Variants in KCNQ5 observed in about 807,000 individuals in gnomAD.
KCNQ5 encodes potassium voltage-gated channel subfamily Q member 5, also known as potassium voltage-gated channel subfamily KQT member 5.
In KCNQ5, 30 loss-of-function variants were observed where a neutral mutation model predicts 98.2. The ratio of observed to expected loss-of-function variants is 0.31; its 90% CI spans 0.23 to 0.41. The LOEUF (loss-of-function observed/expected upper bound fraction) is 0.41, where lower values mean the gene tolerates loss of function less well. KCNQ5 is among the 10% of genes least tolerant of loss of function. The pLI is 1.00. For missense variants in KCNQ5, 835 were observed against 1,182.5 expected (o/e 0.71, Z 4.31); for synonymous variants, 458 against 449.4 (o/e 1.02, Z -0.24).
intron 1 of KCNQ5, among the ~76,000 whole-genome samples, chr6:72,654,477 G>T (rs184079585): frequency 6.6e-6 from 1 of 152,164 alleles, no homozygotes; most frequent in Admixed American, 6.6e-5. Context: ...AAATTTGTGA[G>T]TCGGTTTTCT....
chr6:72,803,888 A>G (rs1331935154), intron 1 of KCNQ5, among the ~76,000 whole-genome samples: 1 of 152,140 alleles, frequency 6.6e-6, no homozygotes, highest in Admixed American at 6.6e-5. Context: ...CCTTTGAATA[A>G]CTTAATAGCT....
chr6:73,051,611 C>G (rs925212169), intron 3 of KCNQ5, among the ~76,000 whole-genome samples: 2 of 151,286 alleles, frequency 1.3e-5, no homozygotes, highest in African/African-American at 4.9e-5. Context: ...CTGAGCTGAG[C>G]CTTACCCCCT....
chr6:72,832,004 G>A (rs1004025970), intron 1 of KCNQ5, among the ~76,000 whole-genome samples: 1 of 152,088 alleles, frequency 6.6e-6, no homozygotes, highest in East Asian at 1.9e-4. Flanking sequence ...AGCATTTAAT[G>A]GAATCAGAAC....
intron 1 of KCNQ5, among the ~76,000 whole-genome samples, chr6:72,633,609 A>C (rs538977694): frequency 2.6e-5 from 4 of 152,224 alleles, no homozygotes; most frequent in Non-Finnish European, 5.9e-5. Context: ...AAAAAGAACA[A>C]AGCTGGAGGC....
intron 9 of KCNQ5, among the ~76,000 whole-genome samples, chr6:73,125,164 A>C (rs978324956): frequency 5.3e-5 from 8 of 150,870 alleles, no homozygotes; most frequent in Non-Finnish European, 1.0e-4. Flanking sequence ...CCCCATCCCC[A>C]TCTTTTAGGA....
At chr6:72,857,103 G>A (rs994347063) in intron 1 of KCNQ5, among the ~76,000 whole-genome samples, 2 of 152,204 alleles carry the variant, frequency 1.3e-5, no homozygotes, top group African/African-American at 2.4e-5. Context: ...CCATGCAGGG[G>A]CCAACAATCT....
At chr6:73,086,860 G>A (rs1774008982) in intron 5 of KCNQ5, among the ~76,000 whole-genome samples, 1 of 152,186 alleles carries the variant, frequency 6.6e-6, no homozygotes, top group African/African-American at 2.4e-5. Context: ...TTTTGGATAA[G>A]ACCTGAAGGA....
chr6:73,120,643 C>A (rs1030734315), intron 8 of KCNQ5, 66 bp downstream of exon 8: 56 of 976,818 alleles, frequency 5.7e-5, no homozygotes, highest in Non-Finnish European at 8.6e-5. Context: ...CAAACCATAC[C>A]CACACACACA....
chr6:72,958,549 G>A (rs1767193282), intron 1 of KCNQ5, among the ~76,000 whole-genome samples: 1 of 152,108 alleles, frequency 6.6e-6, no homozygotes, highest in Non-Finnish European at 1.5e-5. Flanking sequence ...AGCTATTAAA[G>A]TCAAACATTT....
intron 1 of KCNQ5, among the ~76,000 whole-genome samples, chr6:72,684,631 G>T (rs1256654146): frequency 6.6e-6 from 1 of 152,154 alleles, no homozygotes. Context: ...GCAAGAAAAA[G>T]TGTTGTTTTC....
chr6:72,688,455 T>G (rs140776273), intron 1 of KCNQ5, among the ~76,000 whole-genome samples: 19 of 152,326 alleles, frequency 1.2e-4, no homozygotes, highest in African/African-American at 3.8e-4. Flanking sequence ...CTGGTCCAAA[T>G]TACAGTATAC....
At chr6:72,626,017 TATCATCTACTCCTTC>T in intron 1 of KCNQ5, among the ~76,000 whole-genome samples, 1 of 152,318 alleles carries the variant, frequency 6.6e-6, no homozygotes, top group South Asian at 2.1e-4. Context: ...CCATGACTCT[TATCATCTACTCCTTC>T]ATCTATGTAT....
At chr6:73,022,456 A>G (rs1166992733) in intron 2 of KCNQ5, among the ~76,000 whole-genome samples, 1 of 152,166 alleles carries the variant, frequency 6.6e-6, no homozygotes, top group Admixed American at 6.5e-5. Flanking sequence ...AGCCTGAGCA[A>G]CACAGTAAGT....
chr6:73,040,031 A>G (rs967220184), intron 2 of KCNQ5, among the ~76,000 whole-genome samples: 2 of 152,056 alleles, frequency 1.3e-5, no homozygotes, highest in South Asian at 4.2e-4. Flanking sequence ...CTTCTTAAAA[A>G]AAAAAGCAGC....
chr6:72,970,627 A>G (rs1362863611), intron 1 of KCNQ5, among the ~76,000 whole-genome samples: 1 of 152,206 alleles, frequency 6.6e-6, no homozygotes, highest in Non-Finnish European at 1.5e-5. Flanking sequence ...CCAAAACAGC[A>G]TGGTACTGGT....
intron 1 of KCNQ5, among the ~76,000 whole-genome samples, chr6:72,625,085 A>G (rs1473583134): frequency 6.6e-6 from 1 of 152,232 alleles, no homozygotes; most frequent in Non-Finnish European, 1.5e-5. Flanking sequence ...GTGCACCGTG[A>G]TTAATGAGGT....
intron 1 of KCNQ5, among the ~76,000 whole-genome samples, chr6:72,832,430 C>T (rs961655903): frequency 1.3e-5 from 2 of 152,026 alleles, no homozygotes; most frequent in Non-Finnish European, 2.9e-5. Context: ...GGGTGTGATA[C>T]CACTGGCATC....
intron 1 of KCNQ5, among the ~76,000 whole-genome samples, chr6:72,683,149 C>T (rs968169178): frequency 6.6e-6 from 1 of 152,160 alleles, no homozygotes; most frequent in Admixed American, 6.5e-5. Context: ...CTCAAGTTCA[C>T]ACAAATGCTA....
At chr6:72,897,810 A>C (rs553299088) in intron 1 of KCNQ5, among the ~76,000 whole-genome samples, 2 of 152,130 alleles carry the variant, frequency 1.3e-5, no homozygotes, top group Non-Finnish European at 2.9e-5. Flanking sequence ...GGGCCAGTGG[A>C]AGGGAAATAT....
Sources: gnomAD v4.1 joint callset for allele counts (sites outside exome capture counted in the v4.1 genomes callset) on GRCh38, gnomAD v4.1.1 for gene constraint, MANE v1.5 for transcripts, NCBI Gene and HGNC (gene_info 2026-07-23, HGNC 2026-07-21) for gene names.